The following SHISA6 variants were observed in gnomAD, a reference collection of about 807,000 sequenced individuals.
SHISA6 encodes shisa family member 6.
Under a neutral mutation model 47.9 loss-of-function variants are expected in SHISA6, and 22 were observed. The ratio of observed to expected loss-of-function variants is 0.46; its 90% CI spans 0.33 to 0.66. The LOEUF is 0.66. Among genes scored for constraint, SHISA6 ranks in the 30% least tolerant of loss-of-function variants. The probability of loss-of-function intolerance (pLI) is 0.02; values close to 1 mark genes in which losing one functional copy is unlikely to be tolerated. For missense variants in SHISA6, 680 were observed against 764.6 expected (o/e 0.89, Z 1.30); for synonymous variants, 388 against 337.8 (o/e 1.15, Z -1.63).
At chr17:11,526,877 C>T (rs2071686486) in intron 3 of SHISA6, among the ~76,000 whole-genome samples, 2 of 41,134 alleles carry the variant, frequency 4.9e-5, no homozygotes, top group Non-Finnish European at 4.4e-5. Context: ...AGCTATCTAT[C>T]ATCATATATA....
At chr17:11,502,742 T>C (rs2071465761) in intron 3 of SHISA6, among the ~76,000 whole-genome samples, 1 of 152,006 alleles carries the variant, frequency 6.6e-6, no homozygotes, top group African/African-American at 2.4e-5. Flanking sequence ...AATAAATAAA[T>C]AATAAAAAAT....
At chr17:11,466,252 T>C (rs138386500) in intron 3 of SHISA6, among the ~76,000 whole-genome samples, 1 of 152,270 alleles carries the variant, frequency 6.6e-6, no homozygotes, top group East Asian at 1.9e-4. Flanking sequence ...AAGTCAAGAA[T>C]GTTGGGTTGA....
chr17:11,416,848 T>C (rs1567600341), intron 3 of SHISA6, among the ~76,000 whole-genome samples: 1 of 152,162 alleles, frequency 6.6e-6, no homozygotes, highest in South Asian at 2.1e-4. Context: ...GTCATTTTTA[T>C]GTCTGACTTA....
chr17:11,562,826 CA>C lies in SHISA6; in HGVS notation c.*4523del, dbSNP rs1466910415. The C allele has an allele frequency of 6.6e-6, 1 of 152,568 alleles. No homozygotes were observed. Among genetic ancestry groups the C allele is most frequent in the Non-Finnish European group, 1.5e-5 (1 of 68,320 alleles). 9.5% of individuals were successfully genotyped at this position (152,568 alleles called of 1,614,324 possible). On this transcript the variant is annotated 3_prime_UTR_variant, in exon 6 of 6. Coordinates refer to ENST00000441885, the MANE Select transcript of SHISA6 (RefSeq NM_207386.4). The stretch of plus-strand genomic sequence containing the variant: ...TGCACACATCCCACAATGCCTGCCC[CA>C]CAGCGATGTCCTCAGATGTCCTGGA...
intron 3 of SHISA6, among the ~76,000 whole-genome samples, chr17:11,419,051 C>A (rs1567600836): frequency 6.6e-6 from 1 of 151,182 alleles, no homozygotes; most frequent in South Asian, 2.1e-4. Context: ...ACATCACACA[C>A]TGGGGACTGT....
intron 2 of SHISA6, among the ~76,000 whole-genome samples, chr17:11,285,495 T>C (rs1909264666): frequency 6.6e-6 from 1 of 152,224 alleles, no homozygotes; most frequent in African/African-American, 2.4e-5. Flanking sequence ...TTGTTTGAAA[T>C]AATGATTTTG....
At chr17:11,425,447 C>G (rs1490996562) in intron 3 of SHISA6, among the ~76,000 whole-genome samples, 1 of 152,138 alleles carries the variant, frequency 6.6e-6, no homozygotes, top group Non-Finnish European at 1.5e-5. Flanking sequence ...TGGCAGTAGT[C>G]ATTCTACCAT....
intron 3 of SHISA6, among the ~76,000 whole-genome samples, chr17:11,418,941 C>T (rs1379289428): frequency 2.0e-5 from 3 of 152,114 alleles, no homozygotes; most frequent in South Asian, 4.2e-4. Context: ...GCTTACCTGG[C>T]GCTAACTGAG....
Position 11,241,429 on chromosome 17 carries a change from C to T in SHISA6, c.7C>T (p.Leu3=), listed in dbSNP as rs893114016. 2.8e-4 allele frequency: 326 copies of T among 1,185,208 alleles called. No individual in the cohort carries two copies. The highest frequency in any genetic ancestry group is 3.3e-4 in the Non-Finnish European group (313 of 942,684). The allele number at this position is 1,185,208 out of a possible 1,614,324, so 73.4% of individuals were successfully genotyped here. A position where few individuals can be genotyped will look rare whatever the true frequency, so the allele number is the denominator to read the frequency against. The change falls in exon 1 of 6, where the codon CTG becomes TTG. Residue 3 remains leucine, a synonymous_variant. Coordinates refer to ENST00000441885, the MANE Select transcript of SHISA6 (RefSeq NM_207386.4). The surrounding 1 kb of genome is among the most constrained non-coding windows in gnomAD (Gnocchi z 5.5). Reference sequence around the variant, plus strand: ...CCTCCCGCCCGGCCCCGCCATGGCGCTGCGGCGCCTCCTGCTGCTGCTGCT... The same window carrying T: ...CCTCCCGCCCGGCCCCGCCATGGCGTTGCGGCGCCTCCTGCTGCTGCTGCT... MA[L]RRLLLLLLLS...
At chr17:11,404,466 A>C (rs1913881747) in intron 3 of SHISA6, among the ~76,000 whole-genome samples, 1 of 152,162 alleles carries the variant, frequency 6.6e-6, no homozygotes, top group Non-Finnish European at 1.5e-5. Flanking sequence ...CAGAGGAAAG[A>C]AAATATCTGT....
At position 11,287,232 on chromosome 17, in the gene SHISA6, G is replaced by GAA. The variant is rs1417234493; in HGVS notation, c.799+23707_799+23708dup. 6.0e-5 allele frequency among the ~76,000 whole-genome samples: 9 copies of GAA among 150,170 alleles called. No homozygotes were observed. The South Asian group carries it at 1.5e-3, about 25-fold the overall frequency. On this transcript the variant is annotated intron_variant, in intron 2 of 5. Transcript: ENST00000441885. Reference sequence around the variant, plus strand: ...TAATGAAAAGAAAGAAAGAAAGAAAGAAGGGAAGGAAGGAAGGAGGGAGGG... The same window carrying GAA: ...TAATGAAAAGAAAGAAAGAAAGAAAGAAAAGGGAAGGAAGGAAGGAGGGAGGG...
chr17:11,504,957 G>A (rs1187347002), intron 3 of SHISA6, among the ~76,000 whole-genome samples: 5 of 152,212 alleles, frequency 3.3e-5, no homozygotes, highest in African/African-American at 1.2e-4. Context: ...GTCTGACACT[G>A]CTGTGGAGCT....
At chr17:11,478,892 T>G (rs1274673995) in intron 3 of SHISA6, among the ~76,000 whole-genome samples, 1 of 148,368 alleles carries the variant, frequency 6.7e-6, no homozygotes, top group South Asian at 2.2e-4. Flanking sequence ...TAGGATTGAC[T>G]TGGCGATGCG....
chr17:11,333,675 C>A (rs531315060), intron 2 of SHISA6, among the ~76,000 whole-genome samples: 1 of 151,942 alleles, frequency 6.6e-6, no homozygotes, highest in African/African-American at 2.4e-5. Context: ...CCACCATTCC[C>A]GGCTAATTTT....
At chr17:11,263,557 G>C in intron 2 of SHISA6, 31 bp downstream of exon 2, 2 of 1,550,716 alleles carry the variant, frequency 1.3e-6, no homozygotes, top group Non-Finnish European at 1.7e-6. Flanking sequence ...TTGATTCTTT[G>C]CTGAGGCTGG....
intron 3 of SHISA6, among the ~76,000 whole-genome samples, chr17:11,530,274 C>T (rs1270737786): frequency 6.6e-6 from 1 of 152,152 alleles, no homozygotes; most frequent in Non-Finnish European, 1.5e-5. Flanking sequence ...AAACCACACA[C>T]ACACACACAA....
intron 2 of SHISA6, among the ~76,000 whole-genome samples, chr17:11,373,698 C>T (rs1191386917): frequency 1.3e-5 from 2 of 152,164 alleles, no homozygotes; most frequent in African/African-American, 4.8e-5. Context: ...GACTGAGAAC[C>T]ATCCATGCTG....
intron 3 of SHISA6, among the ~76,000 whole-genome samples, chr17:11,475,993 T>A (rs1916042654): frequency 6.6e-6 from 1 of 152,068 alleles, no homozygotes; most frequent in South Asian, 2.1e-4. Context: ...ATTGTGTATT[T>A]CCTCTTGTGT....
At chr17:11,391,021 C>T (rs888424484) in intron 3 of SHISA6, among the ~76,000 whole-genome samples, 3 of 152,114 alleles carry the variant, frequency 2.0e-5, no homozygotes, top group African/African-American at 7.2e-5. Flanking sequence ...AAATGGCCTC[C>T]TATGGGAGAC....
Sources: gnomAD v4.1 joint callset for allele counts (sites outside exome capture counted in the v4.1 genomes callset) on GRCh38, gnomAD v4.1.1 for gene constraint, Gnocchi (gnomAD v3.1) non-coding constraint, MANE v1.5 for transcripts, NCBI Gene and HGNC (gene_info 2026-07-23, HGNC 2026-07-21) for gene names.